Variants in CRADD observed in about 807,000 individuals in gnomAD.
CRADD encodes CARD and death domain containing adaptor protein.
A neutral mutation model predicts 15.5 loss-of-function variants in CRADD; 9 were observed. That is an observed-to-expected ratio of 0.58 (90% CI 0.35 to 1.01). The LOEUF (loss-of-function observed/expected upper bound fraction) is 1.01, where lower values mean the gene tolerates loss of function less well. CRADD is among the 50% of genes least tolerant of loss of function. CRADD has a pLI of 0.02. For missense variants in CRADD, 227 were observed against 250.3 expected, an observed-to-expected ratio of 0.91 and a Z score of 0.63; for synonymous variants, 118 against 107.6, an observed-to-expected ratio of 1.10 and a Z score of -0.60.
intron 2 of CRADD, among the ~76,000 whole-genome samples, chr12:93,801,758 A>G (rs1957478750): frequency 6.6e-6 from 1 of 152,046 alleles, no homozygotes. Context: ...TTACATGGAT[A>G]AGTTCTTTAG....
At chr12:93,769,488 A>G (rs565609634) in intron 2 of CRADD, among the ~76,000 whole-genome samples, 2 of 152,322 alleles carry the variant, frequency 1.3e-5, no homozygotes, top group African/African-American at 4.8e-5. Context: ...ATACGTGTGC[A>G]GTTTTAAAGT....
At chr12:93,781,656 T>C (rs1277028487) in intron 2 of CRADD, among the ~76,000 whole-genome samples, 5 of 152,174 alleles carry the variant, frequency 3.3e-5, no homozygotes, top group Non-Finnish European at 7.3e-5. Context: ...ACCTGTGAAG[T>C]ATTCTTACCC....
chr12:93,813,094 A>G (rs556853062), intron 2 of CRADD, among the ~76,000 whole-genome samples: 5 of 152,378 alleles, frequency 3.3e-5, no homozygotes, highest in Admixed American at 6.5e-5. Context: ...CATTAAGACA[A>G]TGCACAGAAA....
chr12:93,775,392 C>G (rs1017637111), intron 2 of CRADD, among the ~76,000 whole-genome samples: 1 of 151,998 alleles, frequency 6.6e-6, no homozygotes, highest in African/African-American at 2.4e-5. Context: ...GATGTGCAAA[C>G]ACGTATATAG....
chr12:93,681,289 A>T (rs944315869), intron 2 of CRADD, among the ~76,000 whole-genome samples: 1 of 152,234 alleles, frequency 6.6e-6, no homozygotes, highest in Non-Finnish European at 1.5e-5. Context: ...ATAGCTTTTT[A>T]AAAAAGCAAA....
intron 2 of CRADD, chr12:93,714,975 A>C (rs1956136833): frequency 6.6e-6 from 1 of 152,128 alleles, no homozygotes; most frequent in Admixed American, 6.5e-5. Flanking sequence ...GGTCTGCCGC[A>C]GATAGTTTTA....
chr12:93,893,604 T>C (rs998322370), intron 2 of CRADD, among the ~76,000 whole-genome samples: 2 of 152,176 alleles, frequency 1.3e-5, no homozygotes, highest in Non-Finnish European at 1.5e-5. Context: ...GGGAGCCATG[T>C]TCTTTAAATT....
chr12:93,787,064 C>G (rs1471446110), intron 2 of CRADD, among the ~76,000 whole-genome samples: 20 of 150,642 alleles, frequency 1.3e-4, no homozygotes, highest in Admixed American at 9.9e-4. Flanking sequence ...TGCTATTGCT[C>G]AAAATATCTT....
chr12:93,845,563 A>AATATATATATATAT (rs757508123), intron 2 of CRADD, among the ~76,000 whole-genome samples: 1 of 71,398 alleles, frequency 1.4e-5, no homozygotes, highest in African/African-American at 6.3e-5. Flanking sequence ...GTCTCTATTA[A>AATATATATATATAT]ATATATATAT....
At chr12:93,857,892 G>A (rs940265836) in intron 2 of CRADD, among the ~76,000 whole-genome samples, 3 of 152,214 alleles carry the variant, frequency 2.0e-5, no homozygotes, top group Non-Finnish European at 2.9e-5. Flanking sequence ...GGAGATAGTT[G>A]ATTTAATGGA....
chr12:93,697,387 C>T (rs549045740), intron 2 of CRADD, among the ~76,000 whole-genome samples: 2 of 152,190 alleles, frequency 1.3e-5, no homozygotes, highest in African/African-American at 4.8e-5. Context: ...AGCAAGACTG[C>T]CCTCACCAGA....
chr12:93,894,257 T>C (rs1958596995), exon 3 of CRADD: 1 of 571,418 alleles, frequency 1.8e-6, no homozygotes, highest in African/African-American at 1.9e-5. Flanking sequence ...CACAATTCTG[T>C]GTATGTGTGT....
At chr12:93,816,899 C>T (rs75059588) in intron 2 of CRADD, among the ~76,000 whole-genome samples, 12,309 of 152,174 alleles carry the variant, frequency 0.081, 1,688 homozygotes, top group African/African-American at 0.28. Flanking sequence ...CTTGCAAGGT[C>T]ATGCGACGAC....
intron 2 of CRADD, among the ~76,000 whole-genome samples, chr12:93,752,933 C>T (rs560859413): frequency 6.6e-6 from 1 of 152,252 alleles, no homozygotes; most frequent in South Asian, 2.1e-4. Flanking sequence ...GAGAAGAGAG[C>T]TTGTGCAGGG....
intron 2 of CRADD, among the ~76,000 whole-genome samples, chr12:93,782,509 AC>A (rs1957222587): frequency 6.6e-6 from 1 of 151,366 alleles, no homozygotes; most frequent in African/African-American, 2.4e-5. Context: ...AAACAAAAAG[AC>A]TTAAGGGTGG....
chr12:93,790,978 C>A (rs939775191), intron 2 of CRADD, among the ~76,000 whole-genome samples: 1 of 151,122 alleles, frequency 6.6e-6, no homozygotes. Context: ...ACTCCCCACC[C>A]CCCGACTTCC....
intron 2 of CRADD, among the ~76,000 whole-genome samples, chr12:93,787,026 A>G (rs1957285347): frequency 6.6e-6 from 1 of 151,926 alleles, no homozygotes; most frequent in Admixed American, 6.6e-5. Flanking sequence ...GTCCACTTTG[A>G]GAGGTTATAC....
intron 2 of CRADD, among the ~76,000 whole-genome samples, chr12:93,781,054 C>T (rs1283491892): frequency 1.3e-5 from 2 of 151,984 alleles, no homozygotes; most frequent in Admixed American, 1.3e-4. Context: ...CCGTGCCCAG[C>T]CTCTTGGTTA....
At chr12:93,835,700 G>C (rs1053940178) in intron 2 of CRADD, among the ~76,000 whole-genome samples, 2 of 152,116 alleles carry the variant, frequency 1.3e-5, no homozygotes, top group African/African-American at 4.8e-5. Flanking sequence ...ATTCCTTGGT[G>C]TTTCTCACTT....
Sources: allele counts gnomAD v4.1 joint callset (sites outside exome capture counted in the v4.1 genomes callset), GRCh38; gene constraint gnomAD v4.1.1; transcripts MANE v1.5; gene names NCBI Gene and HGNC (gene_info 2026-07-23, HGNC 2026-07-21).